The following SNTG1 variants were observed in gnomAD, a reference collection of about 807,000 sequenced individuals.
SNTG1 encodes the protein gamma-1-syntrophin.
SNTG1 carries 39 observed loss-of-function variants against 74.7 expected under a neutral mutation model. That is an observed-to-expected ratio of 0.52 (90% CI 0.40 to 0.68). SNTG1 has a LOEUF of 0.68. SNTG1 is among the 30% of genes least tolerant of loss of function. The pLI, the probability that SNTG1 is intolerant of heterozygous loss-of-function variation, is 0.00. For missense variants in SNTG1, 685 were observed against 609.5 expected, an observed-to-expected ratio of 1.12 and a Z score of -1.30; for synonymous variants, 254 against 217.1, an observed-to-expected ratio of 1.17 and a Z score of -1.49.
intron 4 of SNTG1, among the ~76,000 whole-genome samples, chr8:50,406,171 A>G (rs1403472597): frequency 6.6e-6 from 1 of 152,152 alleles, no homozygotes; most frequent in Non-Finnish European, 1.5e-5. Flanking sequence ...GTTTTCTGAT[A>G]GATGAACATA....
At chr8:50,082,084 T>G (rs1822464218) in intron 1 of SNTG1, among the ~76,000 whole-genome samples, 1 of 152,230 alleles carries the variant, frequency 6.6e-6, no homozygotes, top group Non-Finnish European at 1.5e-5. Context: ...CCATTTTAAC[T>G]CCAGAATTTA....
At chr8:50,712,209 G>A (rs1585616052) in intron 17 of SNTG1, among the ~76,000 whole-genome samples, 1 of 152,120 alleles carries the variant, frequency 6.6e-6, no homozygotes, top group Non-Finnish European at 1.5e-5. Context: ...AAACTATCCA[G>A]ACAGATATCT....
chr8:50,650,584 A>G (rs1460622257), intron 13 of SNTG1, among the ~76,000 whole-genome samples: 2 of 152,198 alleles, frequency 1.3e-5, no homozygotes, highest in African/African-American at 4.8e-5. Context: ...TTTTGTTGGA[A>G]TGTTTTAAAT....
chr8:50,518,535 G>C (rs867084381), intron 9 of SNTG1, among the ~76,000 whole-genome samples: 6 of 151,264 alleles, frequency 4.0e-5, no homozygotes, highest in African/African-American at 1.2e-4. Flanking sequence ...CTTTTGAAAA[G>C]ATTAACATAA....
At position 49,974,111 on chromosome 8, in the gene SNTG1, C is replaced by T. The variant is rs145357188; in HGVS notation, c.-103+61880C>T. Among the ~76,000 whole-genome samples, 914 of 152,202 alleles carry T rather than the reference C, an allele frequency of 6.0e-3. 5 individuals are homozygous for T. Among genetic ancestry groups the T allele is most frequent in the Middle Eastern group, 0.014 (4 of 294 alleles). Reference sequence around the variant, plus strand: ...TTCCAAAGAGAATGAATGTAAGTTACAAAATTTCAAATCATCCAGCTTCCT... The same window carrying T: ...TTCCAAAGAGAATGAATGTAAGTTATAAAATTTCAAATCATCCAGCTTCCT... On this transcript the variant is annotated intron_variant, in intron 1 of 18. Transcript: ENST00000642720.
In SNTG1 at chr8:50,608,300, G is replaced by A. The variant is rs570549230; in HGVS notation, c.849+17383G>A. Among the ~76,000 whole-genome samples, 21 of 151,610 alleles carry A rather than the reference G, an allele frequency of 1.4e-4. No individual in the cohort carries two copies. The South Asian group carries it at 3.9e-3, about 28-fold the overall frequency. On this transcript the variant is annotated intron_variant, in intron 13 of 18. Transcript: ENST00000642720. ...CTATCAATTATTATGAGAGTAATAC[G>A]TAAATCTCCAACTCTCATTTAAAAA...
In SNTG1 at chr8:50,553,179, T is replaced by C. The variant is rs779568969; in HGVS notation, c.810T>C (p.Asn270=). 43 of 1,613,618 alleles carry C rather than the reference T, an allele frequency of 2.7e-5. No homozygotes were observed. The highest frequency in any genetic ancestry group is 3.2e-5 in the Non-Finnish European group (38 of 1,179,766). ...ACATTTCAAATCTCACAAAGCACAA[T>C]GTAAGTAATGATTCAAGGAATACCT... ...ATNISNLTKH[N]IKKINRNFPV... The change falls in exon 12 of 19, where the codon AAT becomes AAC. Residue 270 remains asparagine, a splice_region_variant and synonymous_variant. Coordinates refer to ENST00000642720, the MANE Select transcript of SNTG1 (RefSeq NM_018967.5).
At chr8:50,251,970 A>C (rs2086665747) in intron 2 of SNTG1, among the ~76,000 whole-genome samples, 1 of 152,140 alleles carries the variant, frequency 6.6e-6, no homozygotes, top group Non-Finnish European at 1.5e-5. Context: ...GCCACAAAAC[A>C]AGTCTAAACA....
At chr8:50,500,323 C>T (rs2093940644) in intron 8 of SNTG1, among the ~76,000 whole-genome samples, 1 of 151,360 alleles carries the variant, frequency 6.6e-6, no homozygotes, top group Non-Finnish European at 1.5e-5. Flanking sequence ...TCTCTCATTC[C>T]TACTTTGTTA....
At chr8:50,481,310 G>C (rs1229413980) in intron 8 of SNTG1, among the ~76,000 whole-genome samples, 1 of 152,196 alleles carries the variant, frequency 6.6e-6, no homozygotes, top group Non-Finnish European at 1.5e-5. Context: ...GAACCCGGGA[G>C]ACGGAGGTTG....
At chr8:50,576,061 C>A (rs1009920799) in intron 12 of SNTG1, among the ~76,000 whole-genome samples, 4 of 152,166 alleles carry the variant, frequency 2.6e-5, no homozygotes, top group African/African-American at 9.7e-5. Flanking sequence ...CTATTCCATT[C>A]TCTCTCTGCT....
chr8:50,011,446 G>A (rs1365775420), intron 1 of SNTG1, among the ~76,000 whole-genome samples: 1 of 152,080 alleles, frequency 6.6e-6, no homozygotes, highest in African/African-American at 2.4e-5. Context: ...TTATCAAGAT[G>A]TGTGACAACT....
chr8:50,116,562 A>G (rs1017744348), intron 1 of SNTG1, among the ~76,000 whole-genome samples: 11 of 152,186 alleles, frequency 7.2e-5, no homozygotes, highest in African/African-American at 2.4e-4. Flanking sequence ...CCTAATTCGT[A>G]TTCGTTCATT....
chr8:50,068,503 G>A (rs946543651), intron 1 of SNTG1, among the ~76,000 whole-genome samples: 4 of 152,206 alleles, frequency 2.6e-5, no homozygotes, highest in African/African-American at 7.2e-5. Context: ...CTTGCGCTGC[G>A]GGAGGTAAAG....
At chr8:50,646,844 A>G (rs976772261) in intron 13 of SNTG1, among the ~76,000 whole-genome samples, 4 of 152,176 alleles carry the variant, frequency 2.6e-5, no homozygotes, top group African/African-American at 4.8e-5. Flanking sequence ...TAATCAAGGT[A>G]GTGTTGTATT....
chr8:50,399,700 C>CG (rs1467318402), intron 3 of SNTG1, among the ~76,000 whole-genome samples: 8 of 151,846 alleles, frequency 5.3e-5, no homozygotes, highest in African/African-American at 9.7e-5. Context: ...TGGCTTCCCC[C>CG]CTCAAAAAGG....
intron 2 of SNTG1, among the ~76,000 whole-genome samples, chr8:50,189,680 T>A (rs1012545899): frequency 1.3e-5 from 2 of 152,166 alleles, no homozygotes; most frequent in African/African-American, 2.4e-5. Flanking sequence ...CAGACCTCTG[T>A]GTCAAGCCTC....
chr8:50,508,820 G>A lies in SNTG1; in HGVS notation c.466+5940G>A, dbSNP rs184133154. ...AGTTCATTGTAGATTCTGGATATTA[G>A]CCCTTTTTCAGATAAGTAGATTGCA... is the stretch of plus-strand genomic sequence containing the variant. On this transcript the variant is annotated intron_variant, in intron 9 of 18. Transcript: ENST00000642720. 3.3e-3 allele frequency among the ~76,000 whole-genome samples: 499 copies of A among 152,086 alleles called. 3 individuals are homozygous for A. The highest frequency in any genetic ancestry group is 0.011 in the African/African-American group (446 of 41,500).
At chr8:50,232,244 TA>T (rs2085666295) in intron 2 of SNTG1, among the ~76,000 whole-genome samples, 1 of 151,342 alleles carries the variant, frequency 6.6e-6, no homozygotes, top group Admixed American at 6.6e-5. Context: ...ATATAGGAAA[TA>T]TACACTGTGA....
Sources: gnomAD v4.1 joint callset for allele counts (sites outside exome capture counted in the v4.1 genomes callset) on GRCh38, gnomAD v4.1.1 for gene constraint, MANE v1.5 for transcripts, NCBI Gene and HGNC (gene_info 2026-07-23, HGNC 2026-07-21) for gene names.